Variants in PCDHGA2 observed in about 807,000 individuals in gnomAD.
The protein encoded by PCDHGA2 is protocadherin gamma subfamily A, 2.
A neutral mutation model predicts 59.2 loss-of-function variants in PCDHGA2; 40 were observed. The ratio of observed to expected loss-of-function variants is 0.68; its 90% CI spans 0.52 to 0.88. The LOEUF is 0.88. PCDHGA2 is among the 40% of genes least tolerant of loss of function. PCDHGA2 has a pLI of 0.00. For missense variants in PCDHGA2, 1,226 were observed against 1,204.0 expected, an observed-to-expected ratio of 1.02 and a Z score of -0.27; for synonymous variants, 560 against 526.0, an observed-to-expected ratio of 1.06 and a Z score of -0.89.
At position 141,476,247 on chromosome 5, in the gene PCDHGA2, G is replaced by C. The variant is rs1439421662; in HGVS notation, c.2425-18560G>C. 1 of 1,614,042 alleles carries C rather than the reference G, an allele frequency of 6.2e-7. No individual in the cohort carries two copies. Among genetic ancestry groups the C allele is most frequent in the Non-Finnish European group, 8.5e-7 (1 of 1,180,010 alleles). ...GAGATCCCGGAGGAAAGAGAGAAGG[G>C]TTTCGCTGTGGGCAACGTGGTCGCG... On this transcript the variant is annotated intron_variant, in intron 1 of 3. Coordinates refer to ENST00000394576, the MANE Select transcript of PCDHGA2 (RefSeq NM_018915.4). The surrounding 1 kb of genome is among the most constrained non-coding windows in gnomAD (Gnocchi z 7.6).
chr5:141,448,135 TA>T (rs2098567569), intron 1 of PCDHGA2, among the ~76,000 whole-genome samples: 1 of 151,880 alleles, frequency 6.6e-6, no homozygotes, highest in South Asian at 2.1e-4. Flanking sequence ...CCACCCTCAC[TA>T]TACCTCAGAC....
intron 1 of PCDHGA2, among the ~76,000 whole-genome samples, chr5:141,462,819 A>G (rs1182498111): frequency 6.6e-6 from 1 of 152,210 alleles, no homozygotes; most frequent in East Asian, 1.9e-4. Context: ...TTTATTGGAC[A>G]GCAGACATTG....
At chr5:141,352,603 T>C in intron 1 of PCDHGA2, 1 of 1,613,760 alleles carries the variant, frequency 6.2e-7, no homozygotes, top group African/African-American at 1.3e-5. Flanking sequence ...GTGATGATCC[T>C]TCTATGGTTG....
rs1223618064 is a variant in PCDHGA2 at position 141,512,867 on chromosome 5, C to T, written c.*1694C>T. On this transcript the variant is annotated 3_prime_UTR_variant, in exon 4 of 4. Transcript: ENST00000394576. The stretch of plus-strand genomic sequence containing the variant: ...ATAAGCGCTTCTCTTCGCATAGTCA[C>T]GTAGCTCCCACCCCACCCTCTTCCT... 1 of 152,184 alleles carries T rather than the reference C, an allele frequency of 6.6e-6. No homozygotes were observed. The highest frequency in any genetic ancestry group is 1.5e-5 in the Non-Finnish European group (1 of 68,056). The allele number at this position is 152,184 out of a possible 1,614,324, so 9.4% of individuals were successfully genotyped here. A position where few individuals can be genotyped will look rare whatever the true frequency, so the allele number is the denominator to read the frequency against.
intron 1 of PCDHGA2, chr5:141,356,481 G>C (rs1760234001): frequency 6.2e-7 from 1 of 1,613,916 alleles, no homozygotes; most frequent in Non-Finnish European, 8.5e-7. Context: ...CCACTGACCA[G>C]GGAACTCCTC....
intron 1 of PCDHGA2, among the ~76,000 whole-genome samples, chr5:141,444,758 T>C (rs1430492886): frequency 1.3e-5 from 2 of 152,262 alleles, no homozygotes; most frequent in East Asian, 3.8e-4. Flanking sequence ...TATGTAGTTC[T>C]ATTTCTATAT....
At chr5:141,460,546 C>A (rs182506898) in intron 1 of PCDHGA2, among the ~76,000 whole-genome samples, 51 of 152,152 alleles carry the variant, frequency 3.4e-4, no homozygotes, top group African/African-American at 1.1e-3. Context: ...GCACCTTAAT[C>A]AAAAATCATT....
intron 1 of PCDHGA2, chr5:141,421,105 G>A: frequency 1.4e-6 from 1 of 700,910 alleles, no homozygotes; most frequent in Non-Finnish European, 2.3e-6. Context: ...TGGAGACTTA[G>A]AAGTATTTTC....
chr5:141,384,410 A>G, intron 1 of PCDHGA2: 1 of 1,613,844 alleles, frequency 6.2e-7, no homozygotes, highest in Non-Finnish European at 8.5e-7. Flanking sequence ...GTGTCCTCCT[A>G]TGTCTCCATA....
intron 2 of PCDHGA2, among the ~76,000 whole-genome samples, chr5:141,500,901 G>A (rs984072329): frequency 7.6e-5 from 11 of 144,582 alleles, no homozygotes; most frequent in African/African-American, 2.6e-4. Flanking sequence ...AGACAGTCTC[G>A]CTCTGTCTCC....
intron 1 of PCDHGA2, chr5:141,357,046 C>T: frequency 6.2e-7 from 1 of 1,614,054 alleles, no homozygotes; most frequent in Non-Finnish European, 8.5e-7. Context: ...CGAGCCGGGA[C>T]TATTTGCAGT....
rs1309165721 is a variant in PCDHGA2 at position 141,430,655 on chromosome 5, G to A, written c.2425-64152G>A. On this transcript the variant is annotated intron_variant, in intron 1 of 3. Coordinates refer to ENST00000394576, the MANE Select transcript of PCDHGA2 (RefSeq NM_018915.4). Reference sequence around the variant, plus strand: ...ATCCCTGGGAGTATGTGGAAACAACGGAGGAGCTCTGACTTCCCAACTGTC... The same window carrying A: ...ATCCCTGGGAGTATGTGGAAACAACAGAGGAGCTCTGACTTCCCAACTGTC... 4.6e-6 allele frequency: 5 copies of A among 1,084,938 alleles called. No individual in the cohort carries two copies. In the East Asian group the frequency reaches 7.8e-5, roughly 17 times the overall value. 67.2% of individuals were successfully genotyped at this position (1,084,938 alleles called of 1,614,324 possible).
chr5:141,501,891 T>G (rs2099811650), intron 2 of PCDHGA2, among the ~76,000 whole-genome samples: 1 of 152,128 alleles, frequency 6.6e-6, no homozygotes, highest in Admixed American at 6.5e-5. Context: ...CTGATCATCA[T>G]GGTTCCAACC....
chr5:141,366,656 G>T lies in PCDHGA2; in HGVS notation c.2424+25261G>T, dbSNP rs377532961. On this transcript the variant is annotated intron_variant, in intron 1 of 3. Transcript: ENST00000394576. Reference sequence around the variant, plus strand: ...CCTGATCTTTCCCCAGCCCAACTACGCAGACACGCTCCTTAGTGAAGAGAG... The same window carrying T: ...CCTGATCTTTCCCCAGCCCAACTACTCAGACACGCTCCTTAGTGAAGAGAG... The T allele has an allele frequency of 2.9e-5, 47 of 1,614,238 alleles. No individual in the cohort carries two copies. Among genetic ancestry groups the T allele is most frequent in the Non-Finnish European group, 3.7e-5 (44 of 1,180,046 alleles).
At chr5:141,341,478 C>G in intron 1 of PCDHGA2, 83 bp downstream of exon 1, 1 of 1,580,856 alleles carries the variant, frequency 6.3e-7, no homozygotes, top group Non-Finnish European at 8.6e-7. Context: ...ATTTTGTTCC[C>G]CATATTTCCT....
chr5:141,505,794 G>A (rs1423502957), intron 3 of PCDHGA2, among the ~76,000 whole-genome samples: 1 of 152,142 alleles, frequency 6.6e-6, no homozygotes, highest in East Asian at 1.9e-4. Context: ...CTATCCTTGG[G>A]ACTTGGATCG....
chr5:141,479,333 G>A (rs2154577502), intron 1 of PCDHGA2: 1 of 152,652 alleles, frequency 6.6e-6, no homozygotes, highest in East Asian at 1.9e-4. Context: ...TCAGTGGTGT[G>A]CACCTGTAGT....
At position 141,340,037 on chromosome 5, in the gene PCDHGA2, GT is replaced by G; in HGVS notation, c.1069del (p.Ser357LeufsTer9). 6.2e-7 allele frequency: 1 copy of G among 1,614,198 alleles called. No homozygotes were observed. The highest frequency in any genetic ancestry group is 1.3e-5 in the African/African-American group (1 of 75,052). ...TTACATGACATCTGCTACTAGCTCA[GT>G]TTCTGAAGACTCTCTTCCAGGAACC... ...EFYMTSATSS[V>X]SEDSLPGTII... On this transcript the variant is annotated frameshift_variant, in exon 1 of 4. Coordinates refer to ENST00000394576, the MANE Select transcript of PCDHGA2 (RefSeq NM_018915.4). LOFTEE classifies it high-confidence loss of function.
At chr5:141,343,000 T>G (rs1321522178) in intron 1 of PCDHGA2, 2 of 152,462 alleles carry the variant, frequency 1.3e-5, no homozygotes, top group Non-Finnish European at 1.5e-5. Context: ...GATCCACTCC[T>G]CTCATGTTTC....
Sources: allele counts gnomAD v4.1 joint callset (sites outside exome capture counted in the v4.1 genomes callset), GRCh38; gene constraint gnomAD v4.1.1; non-coding constraint Gnocchi (gnomAD v3.1); transcripts MANE v1.5; gene names NCBI Gene and HGNC (gene_info 2026-07-23, HGNC 2026-07-21).